Variants in RETSAT observed in about 807,000 individuals in gnomAD.
RETSAT encodes all-trans-retinol 13,14-reductase.
RETSAT carries 35 observed loss-of-function variants against 61.6 expected under a neutral mutation model. The observed-to-expected ratio is 0.57, with a 90% CI of 0.43 to 0.75. RETSAT has a LOEUF of 0.75. RETSAT is among the 30% of genes least tolerant of loss of function. RETSAT has a pLI of 0.00. For synonymous variants in RETSAT, 277 were observed against 310.4 expected (o/e 0.89, Z 1.13); for missense variants, 670 against 759.5 (o/e 0.88, Z 1.38).
At chr2:85,345,462 C>A in intron 6 of RETSAT, 1 of 285,964 alleles carries the variant, frequency 3.5e-6, no homozygotes. Context: ...ACTCCATGCT[C>A]TCCAGCTCCC....
Position 85,349,578 on chromosome 2 carries a change from A to T in RETSAT, c.803T>A (p.Val268Asp), listed in dbSNP as rs1416962965. The change falls in exon 5 of 11, where the codon GTC (valine) becomes GAC (aspartate). Residue 268 changes from valine to aspartate, a missense_variant. By Grantham distance (152) the Val-to-Asp change is radical (BLOSUM62 -3). Coordinates refer to ENST00000295802, the MANE Select transcript of RETSAT (RefSeq NM_017750.4). ...GGAAAAGGCACTGTGGTTGGGGGTG[A>T]CACCTGCAGAAGCAAGGAAGGGTGG... Reference protein sequence around the residue: ...VLSYIFPTYGVTPNHSAFSMH... With the variant: ...VLSYIFPTYGDTPNHSAFSMH... The T allele has an allele frequency of 3.1e-6, 5 of 1,614,060 alleles. No homozygotes were observed. Among genetic ancestry groups the T allele is most frequent in the Non-Finnish European group, 4.2e-6 (5 of 1,179,946 alleles).
In RETSAT at chr2:85,343,042, T is replaced by G. The variant is rs1683114032; in HGVS notation, c.*200A>C. ...TGGCATGTTATAAAAGGCGTAAAGA[T>G]CTCACCTGCCCCAGCTGGAAGCAGT... is the stretch of plus-strand genomic sequence containing the variant. On this transcript the variant is annotated 3_prime_UTR_variant, in exon 11 of 11. Coordinates refer to ENST00000295802, the MANE Select transcript of RETSAT (RefSeq NM_017750.4). 1.6e-6 allele frequency: 1 copy of G among 607,130 alleles called. No individual in the cohort carries two copies. Among genetic ancestry groups the G allele is most frequent in the African/African-American group, 1.8e-5 (1 of 54,290 alleles). 37.6% of individuals were successfully genotyped at this position (607,130 alleles called of 1,614,324 possible).
At chr2:85,348,871 C>A (rs1390733204) in intron 5 of RETSAT, among the ~76,000 whole-genome samples, 2 of 151,514 alleles carry the variant, frequency 1.3e-5, no homozygotes, top group Non-Finnish European at 2.9e-5. Context: ...CCGCCTCAGC[C>A]TCCCAAGTAG....
chr2:85,351,956 G>T, intron 1 of RETSAT, 94 bp from the exon 2 acceptor site: 1 of 1,204,830 alleles, frequency 8.3e-7, no homozygotes, highest in Non-Finnish European at 1.1e-6. Context: ...AGCTTGTACA[G>T]TGCAAGAAAC....
At chr2:85,346,902 ACT>A (rs780180183) in intron 5 of RETSAT, among the ~76,000 whole-genome samples, 2 of 152,146 alleles carry the variant, frequency 1.3e-5, no homozygotes, top group Non-Finnish European at 2.9e-5. Flanking sequence ...GTCTCTGGTC[ACT>A]CTCACTAAAC....
Position 85,346,015 on chromosome 2 carries a change from G to A in RETSAT, c.1077C>T (p.Thr359=). The A allele has an allele frequency of 6.2e-7, 1 of 1,614,190 alleles. No homozygotes were observed. Among genetic ancestry groups the A allele is most frequent in the African/African-American group, 1.3e-5 (1 of 75,052 alleles). The part of the protein sequence containing the change: ...IVVSNAGLFN[T]YEHLLPGNAR... Reference sequence around the variant, plus strand: ...CGTTCCCCGGCAGTAGGTGTTCATAGGTGTTGAACAGTCCTGCGTTGGAGA... The same window carrying A: ...CGTTCCCCGGCAGTAGGTGTTCATAAGTGTTGAACAGTCCTGCGTTGGAGA... The change falls in exon 6 of 11, where the codon ACC becomes ACT. Residue 359 remains threonine (T), a synonymous_variant. Transcript: ENST00000295802.
chr2:85,349,194 C>T (rs879523667), intron 5 of RETSAT, among the ~76,000 whole-genome samples, 190 bp downstream of exon 5: 24 of 152,082 alleles, frequency 1.6e-4, no homozygotes, highest in Admixed American at 1.6e-3. Context: ...CCGGCCAATC[C>T]TTTATCTTTC....
intron 7 of RETSAT, 49 bp downstream of exon 7, chr2:85,344,545 C>T: frequency 6.2e-7 from 1 of 1,602,342 alleles, no homozygotes; most frequent in Non-Finnish European, 8.5e-7. Context: ...TTCTCTGAGT[C>T]AAGCAGGGAG....
At chr2:85,354,022 G>A (rs1683374911) in intron 1 of RETSAT, among the ~76,000 whole-genome samples, 1 of 152,336 alleles carries the variant, frequency 6.6e-6, no homozygotes, top group Non-Finnish European at 1.5e-5. Context: ...CCAAGTGGAG[G>A]AATGAGTCAC....
chr2:85,349,603 G>T (rs1022149151), intron 4 of RETSAT, 22 bp from the exon 5 acceptor site: 6 of 1,607,870 alleles, frequency 3.7e-6, no homozygotes, highest in Non-Finnish European at 5.1e-6. Context: ...AGGAAGGGTG[G>T]TGAGCTGGCA....
Position 85,351,921 on chromosome 2 carries a change from T to C in RETSAT, c.173-59A>G, listed in dbSNP as rs1326370645. ...GGCAGGGGCAGGGAAATAGCAAAGA[T>C]AGGGAAACCAAAGAAGACTTCTCTA... On this transcript the variant is annotated intron_variant, in intron 1 of 10. Coordinates refer to ENST00000295802, the MANE Select transcript of RETSAT (RefSeq NM_017750.4). 2.6e-6 allele frequency: 4 copies of C among 1,537,658 alleles called. No individual in the cohort carries two copies. In the African/African-American group the frequency reaches 5.5e-5, roughly 21 times the overall value.
chr2:85,345,619 C>T, intron 6 of RETSAT: 1 of 382,784 alleles, frequency 2.6e-6, no homozygotes, highest in South Asian at 2.1e-5. Context: ...GGCTCTGCTC[C>T]CTGTGGGCTG....
At chr2:85,347,892 G>A (rs1294572405) in intron 5 of RETSAT, among the ~76,000 whole-genome samples, 1 of 152,098 alleles carries the variant, frequency 6.6e-6, no homozygotes, top group Non-Finnish European at 1.5e-5. Flanking sequence ...ATCACTGATG[G>A]CCTTTTCTCC....
In RETSAT at chr2:85,351,457, C is replaced by G. The variant is rs568589403; in HGVS notation, c.355+223G>C. On this transcript the variant is annotated intron_variant, in intron 2 of 10. Coordinates refer to ENST00000295802, the MANE Select transcript of RETSAT (RefSeq NM_017750.4). Reference sequence around the variant, plus strand: ...TCGGGAGACTGAGGCATGAGAATCACGAACTCAGGAGGCAGAGGTTACAGT... The same window carrying G: ...TCGGGAGACTGAGGCATGAGAATCAGGAACTCAGGAGGCAGAGGTTACAGT... The G allele has an allele frequency of 4.7e-5, 24 of 507,604 alleles. No individual in the cohort carries two copies. The East Asian group carries it at 7.7e-4, about 16-fold the overall frequency. The allele number at this position is 507,604 out of a possible 1,614,324, so 31.4% of individuals were successfully genotyped here.
intron 5 of RETSAT, among the ~76,000 whole-genome samples, chr2:85,346,477 G>A (rs1295729405): frequency 1.3e-5 from 2 of 152,188 alleles, no homozygotes; most frequent in Non-Finnish European, 2.9e-5. Context: ...ATCGGGGCTA[G>A]GCACAGTGGT....
chr2:85,345,799 A>G lies in RETSAT; in HGVS notation c.1117+176T>C, dbSNP rs373704437. ...AATCTGTATGGGCCTCAGTTTCCCCAACATTAAATGCTAGGGTTAGGATGA... is the reference window on the plus strand; with the variant it reads ...AATCTGTATGGGCCTCAGTTTCCCCGACATTAAATGCTAGGGTTAGGATGA... On this transcript the variant is annotated intron_variant, in intron 6 of 10. Transcript: ENST00000295802. The G allele has an allele frequency of 7.9e-4, 651 of 823,178 alleles. 1 individual carries two copies. Among genetic ancestry groups the G allele is most frequent in the Admixed American group, 2.5e-3 (131 of 51,974 alleles). 51.0% of individuals were successfully genotyped at this position (823,178 alleles called of 1,614,324 possible).
chr2:85,346,557 A>G (rs2104435100), intron 5 of RETSAT, among the ~76,000 whole-genome samples: 1 of 152,302 alleles, frequency 6.6e-6, no homozygotes, highest in Middle Eastern at 3.4e-3. Flanking sequence ...CAGGAGTTCA[A>G]GACTAGCCTG....
At position 85,352,470 on chromosome 2, in the gene RETSAT, T is replaced by C. The variant is rs529617712; in HGVS notation, c.173-608A>G. The stretch of plus-strand genomic sequence containing the variant: ...TTTCACCATGTTAGCCAGGATGGTC[T>C]CGATCTCCTGACCTCGTGATCCGCC... On this transcript the variant is annotated intron_variant, in intron 1 of 10. Transcript: ENST00000295802. Among the ~76,000 whole-genome samples, 25 of 152,228 alleles carry C rather than the reference T, an allele frequency of 1.6e-4. No homozygotes were observed. In the South Asian group the frequency reaches 5.0e-3, roughly 30 times the overall value.
At chr2:85,350,446 T>G (rs1683279534) in intron 3 of RETSAT, among the ~76,000 whole-genome samples, 1 of 152,206 alleles carries the variant, frequency 6.6e-6, no homozygotes, top group African/African-American at 2.4e-5. Flanking sequence ...CTTTTAATTT[T>G]CCTGCTCAAA....
Sources: allele counts gnomAD v4.1 joint callset (sites outside exome capture counted in the v4.1 genomes callset), GRCh38; gene constraint gnomAD v4.1.1; transcripts MANE v1.5; gene names NCBI Gene and HGNC (gene_info 2026-07-23, HGNC 2026-07-21).